The following GARNL3 variants were observed in gnomAD, a reference collection of about 807,000 sequenced individuals.
GARNL3 encodes GTPase activating Rap/RanGAP domain like 3, also known as GTPase-activating Rap/Ran-GAP domain-like protein 3.
In GARNL3, 63 loss-of-function variants were observed where a neutral mutation model predicts 125.0. The observed-to-expected ratio is 0.50, with a 90% CI of 0.41 to 0.62. The LOEUF (loss-of-function observed/expected upper bound fraction) is 0.62. Ranked by LOEUF, GARNL3 falls within the 20% of genes least tolerant of loss-of-function variation. The pLI is 0.00. For synonymous variants in GARNL3, 439 were observed against 457.5 expected (o/e 0.96, Z 0.52); for missense variants, 994 against 1,244.0 (o/e 0.80, Z 3.02).
chr9:127,295,986 G>A (rs571017670), intron 2 of GARNL3, among the ~76,000 whole-genome samples: 3 of 152,204 alleles, frequency 2.0e-5, no homozygotes, highest in African/African-American at 7.2e-5. Context: ...GCAAATAGAC[G>A]GTTCCATCTG....
chr9:127,296,811 G>A (rs1187493688), intron 2 of GARNL3, among the ~76,000 whole-genome samples: 3 of 151,958 alleles, frequency 2.0e-5, no homozygotes, highest in Admixed American at 6.6e-5. Flanking sequence ...ATGGATGACT[G>A]CCTCAATCTT....
At chr9:127,351,585 ATAT>A (rs1830428825) in intron 17 of GARNL3, among the ~76,000 whole-genome samples, 1 of 152,064 alleles carries the variant, frequency 6.6e-6, no homozygotes, top group African/African-American at 2.4e-5. Flanking sequence ...ACATTTAATC[ATAT>A]TATGAAATGT....
At chr9:127,288,017 C>T (rs945773270) in intron 1 of GARNL3, among the ~76,000 whole-genome samples, 4 of 152,064 alleles carry the variant, frequency 2.6e-5, no homozygotes, top group African/African-American at 4.8e-5. Flanking sequence ...TTAATGAGAC[C>T]GATACTGTGT....
intron 2 of GARNL3, among the ~76,000 whole-genome samples, chr9:127,303,698 T>C (rs1404870445): frequency 2.6e-5 from 4 of 152,234 alleles, no homozygotes; most frequent in Non-Finnish European, 5.9e-5. Flanking sequence ...TTTAAAACTG[T>C]GGATACCATT....
intron 1 of GARNL3, chr9:127,225,314 G>A (rs1193045502): frequency 1.1e-5 from 11 of 983,464 alleles, no homozygotes; most frequent in African/African-American, 1.1e-4. Flanking sequence ...CCGGGGCGAT[G>A]GAACCGGAGC....
intron 11 of GARNL3, among the ~76,000 whole-genome samples, chr9:127,336,884 A>T (rs1392296592): frequency 1.3e-5 from 2 of 152,196 alleles, no homozygotes; most frequent in African/African-American, 4.8e-5. Flanking sequence ...AGCAAAACCC[A>T]AAGTTGGTGG....
chr9:127,362,817 G>A (rs1476394260), intron 21 of GARNL3: 1 of 152,222 alleles, frequency 6.6e-6, no homozygotes, highest in Non-Finnish European at 1.5e-5. Context: ...CGAGCTCCAG[G>A]CCCTGTGCTA....
chr9:127,305,342 AT>A (rs983243895), intron 2 of GARNL3, among the ~76,000 whole-genome samples: 1 of 151,732 alleles, frequency 6.6e-6, no homozygotes, highest in African/African-American at 2.4e-5. Context: ...GAAAAGTGGG[AT>A]TTTTTTTGTT....
intron 1 of GARNL3, 44 bp from the exon 2 acceptor site, chr9:127,291,124 A>C: frequency 6.4e-7 from 1 of 1,572,178 alleles, no homozygotes; most frequent in Admixed American, 1.7e-5. Flanking sequence ...CAGATAGAAG[A>C]GACATTGTAA....
chr9:127,348,446 C>T (rs1439151745), intron 16 of GARNL3, among the ~76,000 whole-genome samples: 5 of 152,288 alleles, frequency 3.3e-5, no homozygotes, highest in South Asian at 2.1e-4. Flanking sequence ...GGCATTTTCA[C>T]GTGAAAACAA....
chr9:127,332,434 T>G, intron 8 of GARNL3, 85 bp downstream of exon 8: 2 of 1,068,630 alleles, frequency 1.9e-6, no homozygotes, highest in Non-Finnish European at 2.9e-6. Flanking sequence ...AACTTGTCTG[T>G]TGAGTTGGAG....
At chr9:127,278,667 A>T (rs2064021358) in intron 1 of GARNL3, among the ~76,000 whole-genome samples, 1 of 152,216 alleles carries the variant, frequency 6.6e-6, no homozygotes, top group South Asian at 2.1e-4. Context: ...GTAAGAGTTT[A>T]TCACAAACTG....
At chr9:127,256,550 G>A (rs557142933) in intron 2 of GARNL3, among the ~76,000 whole-genome samples, 83 of 152,344 alleles carry the variant, frequency 5.4e-4, no homozygotes, top group African/African-American at 1.9e-3. Flanking sequence ...AGCTGTATGA[G>A]AGCAGGGACC....
At chr9:127,343,052 T>C (rs1306742386) in intron 14 of GARNL3, among the ~76,000 whole-genome samples, 1 of 151,968 alleles carries the variant, frequency 6.6e-6, no homozygotes, top group Non-Finnish European at 1.5e-5. Context: ...CATACACCAC[T>C]GCACCTGGCT....
chr9:127,285,424 C>T (rs986639358), intron 1 of GARNL3, among the ~76,000 whole-genome samples: 57 of 152,168 alleles, frequency 3.7e-4, no homozygotes, highest in Non-Finnish European at 6.0e-4. Context: ...ACTCGCTTTT[C>T]TTTCTTTTCA....
intron 1 of GARNL3, chr9:127,225,094 C>T (rs1320835070): frequency 2.7e-5 from 1 of 36,826 alleles, no homozygotes; most frequent in East Asian, 7.9e-4. Flanking sequence ...AGCGGAGGGT[C>T]TGGGCAGGCT....
intron 14 of GARNL3, 42 bp from the exon 15 acceptor site, chr9:127,344,193 A>G: frequency 7.2e-7 from 1 of 1,385,296 alleles, no homozygotes; most frequent in Non-Finnish European, 1.0e-6. Context: ...GATGAGACTT[A>G]ACAACTGTTT....
chr9:127,302,966 A>C (rs565739369), intron 2 of GARNL3, among the ~76,000 whole-genome samples: 3 of 152,154 alleles, frequency 2.0e-5, no homozygotes, highest in Non-Finnish European at 2.9e-5. Context: ...CCTGGCTAAC[A>C]TGGTGAAACC....
At chr9:127,359,265 G>A (rs753063216) in intron 21 of GARNL3, among the ~76,000 whole-genome samples, 3 of 152,148 alleles carry the variant, frequency 2.0e-5, no homozygotes, top group African/African-American at 2.4e-5. Context: ...CAAGGCCGGC[G>A]GATCACCTGA....
Sources: allele counts gnomAD v4.1 joint callset (sites outside exome capture counted in the v4.1 genomes callset), GRCh38; gene constraint gnomAD v4.1.1; transcripts MANE v1.5; gene names NCBI Gene and HGNC (gene_info 2026-07-23, HGNC 2026-07-21).